The following CDH12 variants were observed in gnomAD, a reference collection of about 807,000 sequenced individuals.
CDH12 encodes the protein cadherin 12.
CDH12 carries 41 observed loss-of-function variants against 74.1 expected under a neutral mutation model. That is an observed-to-expected ratio of 0.55 (90% CI 0.43 to 0.72). The LOEUF (loss-of-function observed/expected upper bound fraction) is 0.72, where lower values mean the gene tolerates loss of function less well. Among genes scored for constraint, CDH12 ranks in the 30% least tolerant of loss-of-function variants. The pLI is 0.00. For missense variants in CDH12, 945 were observed against 977.2 expected (o/e 0.97, Z 0.44); for synonymous variants, 399 against 355.0 (o/e 1.12, Z -1.39).
At chr5:22,450,420 A>G (rs866758310) in intron 2 of CDH12, among the ~76,000 whole-genome samples, 10 of 151,486 alleles carry the variant, frequency 6.6e-5, no homozygotes, top group South Asian at 2.1e-4. Flanking sequence ...TTGAAAAAGG[A>G]CCTCCCCCTT....
At chr5:21,889,424 G>A (rs941677440) in intron 6 of CDH12, among the ~76,000 whole-genome samples, 2 of 152,114 alleles carry the variant, frequency 1.3e-5, no homozygotes, top group East Asian at 3.9e-4. Context: ...GTCACTGCCA[G>A]TTTTAGCAAA....
intron 3 of CDH12, among the ~76,000 whole-genome samples, chr5:22,256,863 A>T (rs1753336886): frequency 6.6e-6 from 1 of 152,212 alleles, no homozygotes; most frequent in Admixed American, 6.5e-5. Flanking sequence ...GATACAAATC[A>T]TTCTGTTTTA....
At chr5:22,425,799 T>G (rs1445701975) in intron 2 of CDH12, among the ~76,000 whole-genome samples, 1 of 152,176 alleles carries the variant, frequency 6.6e-6, no homozygotes, top group African/African-American at 2.4e-5. Flanking sequence ...TCAAATTACC[T>G]GGTACAGACA....
chr5:22,586,330 G>T (rs1274147446), intron 1 of CDH12, among the ~76,000 whole-genome samples: 1 of 151,938 alleles, frequency 6.6e-6, no homozygotes, highest in Admixed American at 6.6e-5. Context: ...ACACACTGGG[G>T]CCTGTTGTGG....
intron 6 of CDH12, among the ~76,000 whole-genome samples, chr5:21,905,569 T>G (rs1056126976): frequency 6.6e-6 from 1 of 152,234 alleles, no homozygotes; most frequent in African/African-American, 2.4e-5. Context: ...TCTGGCCACC[T>G]ATTGAGTCCC....
rs550439719 is a variant in CDH12, at chr5:22,784,509, T to C, written c.-523+68549A>G. Among the ~76,000 whole-genome samples the C allele has an allele frequency of 3.9e-5, 6 of 152,228 alleles. No individual in the cohort carries two copies. In the South Asian group the frequency reaches 1.2e-3, roughly 32 times the overall value. ...CCTCACCCACCCATCCAGATTAAAT[T>C]GGTCACCACTAACTGCTACTACTTT... On this transcript the variant is annotated intron_variant, in intron 1 of 14. Transcript: ENST00000382254.
At chr5:22,772,006 C>A (rs1201563001) in intron 1 of CDH12, among the ~76,000 whole-genome samples, 1 of 151,786 alleles carries the variant, frequency 6.6e-6, no homozygotes, top group African/African-American at 2.4e-5. Flanking sequence ...ATTAATTAAT[C>A]CTAGGGACAC....
chr5:22,505,172 A>C lies in CDH12; in HGVS notation c.-428+98T>G, dbSNP rs542351182. On this transcript the variant is annotated intron_variant, in intron 2 of 14. Transcript: ENST00000382254. ...TATTTGAATATTTTGATTTCTAATA[A>C]ATTTTTTTAAGTAAAGAAGTTTTAA... is the stretch of plus-strand genomic sequence containing the variant. 15 of 210,010 alleles carry C rather than the reference A, an allele frequency of 7.1e-5. 1 individual carries two copies. In the South Asian group the frequency reaches 2.0e-3, roughly 28 times the overall value. 13.0% of individuals were successfully genotyped at this position (210,010 alleles called of 1,614,324 possible).
chr5:22,775,992 T>A (rs1747078413), intron 1 of CDH12, among the ~76,000 whole-genome samples: 1 of 152,108 alleles, frequency 6.6e-6, no homozygotes, highest in African/African-American at 2.4e-5. Context: ...GCTGCCACCA[T>A]GTAAGAAGTG....
At chr5:21,792,998 T>C (rs993128861) in intron 10 of CDH12, among the ~76,000 whole-genome samples, 1 of 151,816 alleles carries the variant, frequency 6.6e-6, no homozygotes, top group Admixed American at 6.6e-5. Flanking sequence ...TCTGATATCT[T>C]CTGCTTAGAA....
chr5:22,357,422 C>G (rs1740611013), intron 3 of CDH12, among the ~76,000 whole-genome samples: 1 of 151,824 alleles, frequency 6.6e-6, no homozygotes, highest in African/African-American at 2.4e-5. Context: ...TAACTCGGTA[C>G]CCCAAATGGA....
chr5:22,346,964 G>C (rs1403214887), intron 3 of CDH12, among the ~76,000 whole-genome samples: 2 of 152,092 alleles, frequency 1.3e-5, no homozygotes, highest in Non-Finnish European at 2.9e-5. Flanking sequence ...CCATTTAACA[G>C]GTATCTTATT....
intron 7 of CDH12, among the ~76,000 whole-genome samples, chr5:21,846,200 A>C (rs1334727434): frequency 6.6e-6 from 1 of 152,148 alleles, no homozygotes; most frequent in Non-Finnish European, 1.5e-5. Flanking sequence ...CAAACAGTAC[A>C]CCTGGTCTGA....
intron 1 of CDH12, among the ~76,000 whole-genome samples, chr5:22,691,951 C>T (rs368520039): frequency 6.6e-6 from 1 of 152,120 alleles, no homozygotes; most frequent in East Asian, 1.9e-4. Flanking sequence ...CTTTAACTCT[C>T]CCATTAACAT....
chr5:22,239,140 G>T (rs1236314671), intron 3 of CDH12, among the ~76,000 whole-genome samples: 1 of 152,164 alleles, frequency 6.6e-6, no homozygotes, highest in Non-Finnish European at 1.5e-5. Context: ...GCTGATGACT[G>T]CATAGTTCTG....
intron 8 of CDH12, among the ~76,000 whole-genome samples, chr5:21,823,199 G>A (rs917378688): frequency 3.9e-5 from 6 of 152,084 alleles, no homozygotes; most frequent in South Asian, 2.1e-4. Context: ...AAACACCAGC[G>A]CTCTAAAGGA....
At chr5:22,777,996 C>T (rs895582613) in intron 1 of CDH12, among the ~76,000 whole-genome samples, 4 of 151,844 alleles carry the variant, frequency 2.6e-5, no homozygotes, top group Admixed American at 6.6e-5. Context: ...TGTAGGGATG[C>T]GGTTTCACCT....
chr5:22,457,666 C>T (rs1357405927), intron 2 of CDH12, among the ~76,000 whole-genome samples: 1 of 151,472 alleles, frequency 6.6e-6, no homozygotes, highest in African/African-American at 2.4e-5. Flanking sequence ...GCAGCCTCCA[C>T]CTCCCAAGTT....
At chr5:22,167,554 A>G (rs1748759085) in intron 4 of CDH12, among the ~76,000 whole-genome samples, 1 of 152,062 alleles carries the variant, frequency 6.6e-6, no homozygotes, top group Non-Finnish European at 1.5e-5. Flanking sequence ...GCCATGCCCC[A>G]TTTCTCTTCT....
Sources: gnomAD v4.1 joint callset for allele counts (sites outside exome capture counted in the v4.1 genomes callset) on GRCh38, gnomAD v4.1.1 for gene constraint, MANE v1.5 for transcripts, NCBI Gene and HGNC (gene_info 2026-07-23, HGNC 2026-07-21) for gene names.